Variants in DSCAM observed in about 807,000 individuals in gnomAD.
DSCAM encodes DS cell adhesion molecule.
In DSCAM, 47 loss-of-function variants were observed where a neutral mutation model predicts 217.7. The ratio of observed to expected loss-of-function variants is 0.22; its 90% CI spans 0.17 to 0.28. The LOEUF (loss-of-function observed/expected upper bound fraction) is 0.28. Among genes scored for constraint, DSCAM ranks in the 10% least tolerant of loss-of-function variants. The pLI, the probability that DSCAM is intolerant of heterozygous loss-of-function variation, is 1.00. For synonymous variants in DSCAM, 1,056 were observed against 1,015.3 expected, an observed-to-expected ratio of 1.04 and a Z score of -0.76; for missense variants, 2,080 against 2,618.3, an observed-to-expected ratio of 0.79 and a Z score of 4.49.
chr21:40,732,404 G>T (rs2091021912), intron 1 of DSCAM, among the ~76,000 whole-genome samples: 1 of 152,216 alleles, frequency 6.6e-6, no homozygotes, highest in East Asian at 1.9e-4. Context: ...AACCTTGAAG[G>T]TTGACTCAGC....
rs534224053 is a variant in DSCAM at position 40,669,918 on chromosome 21, G to T, written c.508+22892C>A. ...TACAATATACTTTTCATTTTCTAAG[G>T]CTTGATTTTTTTCAACATATGGCTA... On this transcript the variant is annotated intron_variant, in intron 3 of 32. Transcript: ENST00000400454. Among the ~76,000 whole-genome samples the T allele has an allele frequency of 1.3e-4, 19 of 148,006 alleles. No homozygotes were observed. In the South Asian group the frequency reaches 4.1e-3, roughly 32 times the overall value.
chr21:40,558,483 C>A (rs2076690664), intron 3 of DSCAM, among the ~76,000 whole-genome samples: 1 of 151,580 alleles, frequency 6.6e-6, no homozygotes. Context: ...AAGTTAATTT[C>A]ACTTATAAAG....
intron 3 of DSCAM, among the ~76,000 whole-genome samples, chr21:40,595,060 G>A (rs2077011424): frequency 6.6e-6 from 1 of 152,134 alleles, no homozygotes; most frequent in Non-Finnish European, 1.5e-5. Context: ...GCCACCAAGT[G>A]CAATTGTGTT....
intron 16 of DSCAM, among the ~76,000 whole-genome samples, chr21:40,145,711 G>A (rs1209962371): frequency 6.6e-6 from 1 of 152,100 alleles, no homozygotes; most frequent in African/African-American, 2.4e-5. Flanking sequence ...CAGGCATGGT[G>A]GTGGGTGTCT....
intron 20 of DSCAM, among the ~76,000 whole-genome samples, chr21:40,109,261 T>A (rs938448471): frequency 6.6e-6 from 1 of 152,204 alleles, no homozygotes; most frequent in Non-Finnish European, 1.5e-5. Flanking sequence ...GACAAAGGTC[T>A]AATATTCAGC....
chr21:40,322,717 G>C (rs1047127882), intron 8 of DSCAM, among the ~76,000 whole-genome samples: 7 of 152,070 alleles, frequency 4.6e-5, no homozygotes, highest in Admixed American at 4.6e-4. Flanking sequence ...TAGAGACAGG[G>C]TTTCACCATG....
At chr21:40,368,769 T>C (rs2074861705) in intron 4 of DSCAM, among the ~76,000 whole-genome samples, 1 of 152,206 alleles carries the variant, frequency 6.6e-6, no homozygotes, top group Non-Finnish European at 1.5e-5. Context: ...ATTTTGTATT[T>C]GGTTTTATAA....
intron 20 of DSCAM, 56 bp downstream of exon 20, chr21:40,124,139 C>A (rs890342586): frequency 1.2e-6 from 2 of 1,610,242 alleles, no homozygotes; most frequent in Non-Finnish European, 1.7e-6. Flanking sequence ...AGTGCGAGCA[C>A]CTGCAGCTCG....
intron 1 of DSCAM, among the ~76,000 whole-genome samples, chr21:40,840,211 C>T (rs530728232): frequency 2.4e-4 from 36 of 152,032 alleles, no homozygotes; most frequent in African/African-American, 8.7e-4. Context: ...TTTGAATCTG[C>T]AAAATAAGAA....
At chr21:40,369,728 C>T (rs2074875376) in intron 3 of DSCAM, among the ~76,000 whole-genome samples, 1 of 151,980 alleles carries the variant, frequency 6.6e-6, no homozygotes, top group African/African-American at 2.4e-5. Context: ...AATAAAAGCA[C>T]AAAAATATTA....
chr21:40,456,647 C>T (rs563403735), intron 3 of DSCAM, among the ~76,000 whole-genome samples: 1 of 151,304 alleles, frequency 6.6e-6, no homozygotes, highest in Non-Finnish European at 1.5e-5. Flanking sequence ...TTGTGAAGTG[C>T]AATACACTTC....
chr21:40,797,428 T>TG lies in DSCAM; in HGVS notation c.43+49190dup, dbSNP rs538060312. 1.5e-4 allele frequency among the ~76,000 whole-genome samples: 23 copies of TG among 152,270 alleles called. No homozygotes were observed. In the East Asian group the frequency reaches 4.4e-3, roughly 29 times the overall value. ...AATGAATAATGATATTTCAAGATGG[T>TG]GGATGATGTAGGTGGAACAACCACT... On this transcript the variant is annotated intron_variant, in intron 1 of 32. Coordinates refer to ENST00000400454, the MANE Select transcript of DSCAM (RefSeq NM_001389.5).
chr21:40,361,216 C>T (rs2074760967), intron 4 of DSCAM, among the ~76,000 whole-genome samples: 1 of 151,848 alleles, frequency 6.6e-6, no homozygotes, highest in Non-Finnish European at 1.5e-5. Flanking sequence ...TATGACGCAT[C>T]CCATATATTC....
chr21:40,614,232 C>A (rs2837748), intron 3 of DSCAM, among the ~76,000 whole-genome samples: 42,748 of 151,890 alleles, frequency 0.28, 6,313 homozygotes, highest in Non-Finnish European at 0.33. Flanking sequence ...GTAGACCACC[C>A]TAAGGGTTTT....
intron 3 of DSCAM, among the ~76,000 whole-genome samples, chr21:40,414,056 C>T (rs1204909874): frequency 6.6e-6 from 1 of 152,080 alleles, no homozygotes; most frequent in Admixed American, 6.6e-5. Context: ...ACGGAAGTGA[C>T]CTTAGGCTAA....
At chr21:40,408,071 T>A (rs2075293756) in intron 3 of DSCAM, among the ~76,000 whole-genome samples, 1 of 152,010 alleles carries the variant, frequency 6.6e-6, no homozygotes. Flanking sequence ...ACAGAAGATA[T>A]TACCCATCTT....
chr21:40,331,124 T>C (rs1258432871), intron 8 of DSCAM, among the ~76,000 whole-genome samples: 1 of 152,160 alleles, frequency 6.6e-6, no homozygotes, highest in Non-Finnish European at 1.5e-5. Context: ...ATATTGCAAG[T>C]AACTCCAGTA....
chr21:40,467,311 T>G (rs1387387109), intron 3 of DSCAM, among the ~76,000 whole-genome samples: 2 of 152,216 alleles, frequency 1.3e-5, no homozygotes, highest in Admixed American at 6.5e-5. Flanking sequence ...CCCCACAATC[T>G]TCTTAAACAC....
intron 20 of DSCAM, among the ~76,000 whole-genome samples, chr21:40,116,708 A>AAG (rs1256551059): frequency 7.2e-5 from 11 of 151,852 alleles, no homozygotes; most frequent in Admixed American, 1.3e-4. Context: ...AAAAAAAAAA[A>AAG]AGAGAGAGAT....
Sources: allele counts gnomAD v4.1 joint callset (sites outside exome capture counted in the v4.1 genomes callset), GRCh38; gene constraint gnomAD v4.1.1; transcripts MANE v1.5; gene names NCBI Gene and HGNC (gene_info 2026-07-23, HGNC 2026-07-21).